IL1RAPL1: variants seen among roughly 807,000 people sequenced by gnomAD.
The protein encoded by IL1RAPL1 is interleukin-1 receptor accessory protein-like 1.
IL1RAPL1 carries 3 observed loss-of-function variants against 48.4 expected under a neutral mutation model. The observed-to-expected ratio is 0.06, with a 90% CI of 0.03 to 0.16. The LOEUF (loss-of-function observed/expected upper bound fraction) is 0.16, where lower values mean the gene tolerates loss of function less well. Among genes scored for constraint, IL1RAPL1 ranks in the 10% least tolerant of loss-of-function variants. The pLI is 1.00. For missense variants in IL1RAPL1, 349 were observed against 530.6 expected (o/e 0.66, Z 3.36); for synonymous variants, 185 against 187.7 (o/e 0.99, Z 0.12).
intron 1 of IL1RAPL1, among the ~76,000 whole-genome samples, chrX:28,706,506 G>A (rs781208835): frequency 2.0e-4 from 22 of 108,699 alleles, no homozygotes; most frequent in Non-Finnish European, 3.6e-4. Flanking sequence ...TCTGCTTCGC[G>A]GGTTCAAGTG....
At chrX:29,874,733 C>A (rs776012098) in intron 6 of IL1RAPL1, among the ~76,000 whole-genome samples, 17 of 112,446 alleles carry the variant, frequency 1.5e-4, no homozygotes, top group Non-Finnish European at 3.2e-4. Flanking sequence ...TCCGTGACTT[C>A]ATTCACAGTA....
intron 5 of IL1RAPL1, among the ~76,000 whole-genome samples, chrX:29,626,043 A>G (rs774340005): frequency 8.9e-5 from 10 of 112,278 alleles, no homozygotes; most frequent in Admixed American, 2.8e-4. Context: ...TTAGAAAATC[A>G]TCTCACGTCT....
intron 6 of IL1RAPL1, among the ~76,000 whole-genome samples, chrX:29,707,388 A>G: frequency 8.9e-6 from 1 of 112,522 alleles, no homozygotes; most frequent in South Asian, 3.6e-4. Context: ...GAGATTTCTT[A>G]AAGAACCAAA....
chrX:28,985,004 A>G (rs957952688), intron 2 of IL1RAPL1, among the ~76,000 whole-genome samples: 6 of 111,912 alleles, frequency 5.4e-5, no homozygotes, highest in African/African-American at 1.9e-4. Context: ...GAAAAATTGA[A>G]TAATAAATAT....
chrX:29,713,287 GT>G (rs1223979257), intron 6 of IL1RAPL1, among the ~76,000 whole-genome samples: 1 of 111,714 alleles, frequency 9.0e-6, no homozygotes, highest in Non-Finnish European at 1.9e-5. Context: ...ATATCAAATA[GT>G]GATCAGTGTA....
chrX:28,880,569 C>G (rs935204144), intron 2 of IL1RAPL1, among the ~76,000 whole-genome samples: 2 of 112,076 alleles, frequency 1.8e-5, no homozygotes, highest in Non-Finnish European at 3.8e-5. Context: ...AAATTGAATA[C>G]CAGCTCCAAG....
chrX:28,707,052 G>T (rs1935382428), intron 1 of IL1RAPL1, among the ~76,000 whole-genome samples: 1 of 112,334 alleles, frequency 8.9e-6, no homozygotes, highest in Admixed American at 9.5e-5. Flanking sequence ...GTCCAGTGGG[G>T]GATTATGGGC....
intron 6 of IL1RAPL1, among the ~76,000 whole-genome samples, chrX:29,866,786 C>T (rs1036249031): frequency 2.0e-4 from 22 of 108,161 alleles, no homozygotes; most frequent in African/African-American, 7.1e-4. Context: ...CAACAGAACT[C>T]GAGCTCTCAC....
intron 6 of IL1RAPL1, among the ~76,000 whole-genome samples, chrX:29,688,728 T>TTCTCTCTCTC (rs71811113): frequency 1.3e-5 from 1 of 74,786 alleles, no homozygotes; most frequent in African/African-American, 4.6e-5. Flanking sequence ...TCAGGGTTGC[T>TTCTCTCTCTC]TCTCTCTCTC....
At chrX:29,697,581 C>A (rs1400524159) in intron 6 of IL1RAPL1, among the ~76,000 whole-genome samples, 1 of 111,517 alleles carries the variant, frequency 9.0e-6, no homozygotes, top group Non-Finnish European at 1.9e-5. Context: ...AAGTTAATAT[C>A]TTTAAAAATT....
intron 1 of IL1RAPL1, among the ~76,000 whole-genome samples, chrX:28,638,862 T>A (rs1219498625): frequency 9.0e-6 from 1 of 111,074 alleles, no homozygotes; most frequent in Non-Finnish European, 1.9e-5. Flanking sequence ...GGAATTAGAA[T>A]CACTCAAAAT....
Position 29,342,112 on chromosome X carries a change from TTGTGTGTGTGTG to T in IL1RAPL1, c.363-54114_363-54103del, listed in dbSNP as rs753779178. 4.3e-3 allele frequency among the ~76,000 whole-genome samples: 374 copies of T among 87,676 alleles called. 2 individuals are homozygous for T. The highest frequency in any genetic ancestry group is 7.0e-3 in the Non-Finnish European group (314 of 45,028). 76.1% of individuals were successfully genotyped at this position (87,676 alleles called of 115,157 possible). Reference sequence around the variant, plus strand: ...GTGAGCCACTGCACACGGCCTTGTTTTGTGTGTGTGTGTGTGTGTGTGTGTGTGTGTGTGTGT... The same window carrying T: ...GTGAGCCACTGCACACGGCCTTGTTTTGTGTGTGTGTGTGTGTGTGTGTGT... On this transcript the variant is annotated intron_variant, in intron 3 of 10. Transcript: ENST00000378993.
At chrX:29,819,977 A>G (rs899859514) in intron 6 of IL1RAPL1, among the ~76,000 whole-genome samples, 8 of 106,525 alleles carry the variant, frequency 7.5e-5, no homozygotes, top group Non-Finnish European at 1.3e-4. Context: ...GTATAAATAC[A>G]ATATTATATA....
chrX:29,013,292 T>C (rs1926167546), intron 2 of IL1RAPL1, among the ~76,000 whole-genome samples: 1 of 111,425 alleles, frequency 9.0e-6, no homozygotes. Flanking sequence ...TCAACCACTA[T>C]GGAAGACAGT....
At position 29,761,711 on chromosome X, in the gene IL1RAPL1, AAGTT is replaced by A. The variant is rs1336956723; in HGVS notation, c.778+93212_778+93215del. Among the ~76,000 whole-genome samples, 3 of 109,985 alleles carry A rather than the reference AAGTT, an allele frequency of 2.7e-5. No individual in the cohort carries two copies. In the East Asian group the frequency reaches 8.5e-4, roughly 31 times the overall value. ...CCCAATCCCACCCACACACAGTCAAAAGTTAGTTCTTATTTCCCCGATTGTCAAT... is the reference window on the plus strand; with the variant it reads ...CCCAATCCCACCCACACACAGTCAAAAGTTCTTATTTCCCCGATTGTCAAT... On this transcript the variant is annotated intron_variant, in intron 6 of 10. Transcript: ENST00000378993.
intron 2 of IL1RAPL1, among the ~76,000 whole-genome samples, chrX:29,220,749 A>C (rs1376124166): frequency 8.9e-6 from 1 of 111,861 alleles, no homozygotes; most frequent in Non-Finnish European, 1.9e-5. Context: ...CTGTGTAGGA[A>C]AAATAAAGGT....
intron 2 of IL1RAPL1, among the ~76,000 whole-genome samples, chrX:29,120,974 TGAA>T (rs959616609): frequency 2.9e-4 from 33 of 112,235 alleles, no homozygotes; most frequent in African/African-American, 1.1e-3. Context: ...ATCAATGGAC[TGAA>T]GAAGAATAAT....
intron 2 of IL1RAPL1, among the ~76,000 whole-genome samples, chrX:29,207,995 G>T: frequency 9.0e-6 from 1 of 111,252 alleles, no homozygotes. Context: ...GTTCCCTTTG[G>T]AAATATGCAA....
intron 2 of IL1RAPL1, among the ~76,000 whole-genome samples, chrX:29,117,770 A>C (rs920201355): frequency 1.8e-5 from 2 of 111,022 alleles, no homozygotes; most frequent in African/African-American, 6.5e-5. Flanking sequence ...CGTTTCCAAA[A>C]CTCATCAACC....
Sources: gnomAD v4.1 joint callset for allele counts (sites outside exome capture counted in the v4.1 genomes callset) on GRCh38, gnomAD v4.1.1 for gene constraint, MANE v1.5 for transcripts, NCBI Gene and HGNC (gene_info 2026-07-23, HGNC 2026-07-21) for gene names.